Variants in ABCA13 observed in about 807,000 individuals in gnomAD.
The protein encoded by ABCA13 is ATP binding cassette subfamily A member 13.
In ABCA13, 476 loss-of-function variants were observed where a neutral mutation model predicts 478.7. The observed-to-expected ratio is 0.99, with a 90% CI of 0.92 to 1.07. The LOEUF is 1.07. ABCA13 is among the 50% of genes least tolerant of loss of function. The pLI, the probability that ABCA13 is intolerant of heterozygous loss-of-function variation, is 0.00. For synonymous variants in ABCA13, 2,252 were observed against 2,158.9 expected (o/e 1.04, Z -1.20); for missense variants, 6,060 against 5,910.6 (o/e 1.03, Z -0.83).
chr7:48,473,133 C>A (rs1585481002), intron 45 of ABCA13, among the ~76,000 whole-genome samples: 1 of 152,106 alleles, frequency 6.6e-6, no homozygotes, highest in South Asian at 2.1e-4. Context: ...GGGGGAACCA[C>A]CCCCGTGTTC....
intron 18 of ABCA13, among the ~76,000 whole-genome samples, chr7:48,280,658 G>A (rs911393941): frequency 6.6e-6 from 1 of 152,144 alleles, no homozygotes; most frequent in Non-Finnish European, 1.5e-5. Context: ...GGAGATTGGA[G>A]ATGCCATGTC....
intron 19 of ABCA13, among the ~76,000 whole-genome samples, chr7:48,283,974 T>A (rs1310120387): frequency 6.6e-6 from 1 of 152,118 alleles, no homozygotes; most frequent in Admixed American, 6.5e-5. Context: ...GAGGATTAAA[T>A]AAAATGAGTC....
At chr7:48,508,084 C>T in intron 50 of ABCA13, 35 bp downstream of exon 50, 1 of 1,613,128 alleles carries the variant, frequency 6.2e-7, no homozygotes, top group African/African-American at 1.3e-5. Context: ...TGTGCCTCCA[C>T]AATAGTGATC....
chr7:48,534,511 C>G (rs1216468319), intron 55 of ABCA13, among the ~76,000 whole-genome samples: 1 of 152,038 alleles, frequency 6.6e-6, no homozygotes, highest in Non-Finnish European at 1.5e-5. Flanking sequence ...CAATGAATTT[C>G]CCAGGTGTTC....
Position 48,516,771 on chromosome 7 carries a change from A to T in ABCA13, c.13687A>T (p.Ser4563Cys). ...WMYLMSRIFS[S>C]SDVAFISYVS... ...GTACCTGATGTCCAGAATCTTTTCCAGTTCGGACGTGGCTTTCATTTCCTA... is the reference window on the plus strand; with the variant it reads ...GTACCTGATGTCCAGAATCTTTTCCTGTTCGGACGTGGCTTTCATTTCCTA... Residue 4563 changes from serine to cysteine, a missense_variant, in exon 52 of 62, where the codon AGT becomes TGT. Coordinates refer to ENST00000435803, the MANE Select transcript of ABCA13 (RefSeq NM_152701.5). The T allele has an allele frequency of 2.5e-6, 4 of 1,613,808 alleles. No individual in the cohort carries two copies. The highest frequency in any genetic ancestry group is 3.4e-6 in the Non-Finnish European group (4 of 1,179,734).
chr7:48,443,752 G>A (rs976076210), intron 42 of ABCA13, among the ~76,000 whole-genome samples: 4 of 152,126 alleles, frequency 2.6e-5, no homozygotes, highest in South Asian at 2.1e-4. Flanking sequence ...CCCTCTCCTC[G>A]TGCCTCCGGT....
At chr7:48,485,731 C>T (rs1205670458) in intron 47 of ABCA13, among the ~76,000 whole-genome samples, 1 of 152,136 alleles carries the variant, frequency 6.6e-6, no homozygotes, top group Admixed American at 6.5e-5. Flanking sequence ...ATGCATTTCG[C>T]TCATGAGTCT....
chr7:48,393,989 T>A (rs1043279879), intron 38 of ABCA13, among the ~76,000 whole-genome samples: 1 of 152,126 alleles, frequency 6.6e-6, no homozygotes, highest in Non-Finnish European at 1.5e-5. Context: ...GCAAAGCTTA[T>A]CTTGTCCCCA....
intron 55 of ABCA13, among the ~76,000 whole-genome samples, chr7:48,560,177 T>C (rs564724581): frequency 3.9e-5 from 6 of 152,310 alleles, no homozygotes; most frequent in South Asian, 2.1e-4. Context: ...TAAGGCTTGC[T>C]GAAACTCAGG....
rs752603671 is a variant in ABCA13, at chr7:48,350,741, C to G, written c.10303C>G (p.Arg3435Gly). Reference protein sequence around the residue: ...VNLSSCVALNRFQALQSVDIL... With the variant: ...VNLSSCVALNGFQALQSVDIL... ...TCTCTCTTCCTGCGTGGCACTGAAC[C>G]GTTTCCAGGCTCTGCAGTCTGTCGA... The change falls in exon 30 of 62, where the codon CGT becomes GGT. Residue 3435 changes from arginine (R) to glycine (G), a missense_variant. By Grantham distance (125) the Arg-to-Gly change is moderately radical. Around this residue, in one of 3 missense-constraint regions of ABCA13, gnomAD observed 4,423 missense variants for 4,309.1 expected, o/e 1.03. Coordinates refer to ENST00000435803, the MANE Select transcript of ABCA13 (RefSeq NM_152701.5). The G allele has an allele frequency of 6.2e-7, 1 of 1,613,908 alleles. No individual in the cohort carries two copies. The highest frequency in any genetic ancestry group is 8.5e-7 in the Non-Finnish European group (1 of 1,179,838).
chr7:48,555,893 T>C, intron 55 of ABCA13, among the ~76,000 whole-genome samples: 1 of 151,648 alleles, frequency 6.6e-6, no homozygotes, highest in Admixed American at 6.6e-5. Context: ...TTAATATGAT[T>C]ATTAGGTTCT....
intron 58 of ABCA13, among the ~76,000 whole-genome samples, chr7:48,595,971 A>G (rs1790245084): frequency 6.6e-6 from 1 of 152,184 alleles, no homozygotes; most frequent in South Asian, 2.1e-4. Context: ...CAGGAGTGAA[A>G]TATAAAGCTA....
intron 56 of ABCA13, among the ~76,000 whole-genome samples, chr7:48,582,497 C>T (rs1788801244): frequency 6.6e-6 from 1 of 152,176 alleles, no homozygotes; most frequent in Non-Finnish European, 1.5e-5. Context: ...TCTTTAGACA[C>T]ATCTGCTGCT....
intron 26 of ABCA13, among the ~76,000 whole-genome samples, chr7:48,316,501 A>G (rs1802603376): frequency 3.3e-5 from 5 of 152,250 alleles, no homozygotes; most frequent in Admixed American, 2.0e-4. Flanking sequence ...ACTTAAGTGA[A>G]CATAGCATGA....
intron 58 of ABCA13, among the ~76,000 whole-genome samples, chr7:48,599,128 CTTCT>C (rs1790603948): frequency 1.3e-5 from 2 of 151,454 alleles, no homozygotes; most frequent in Admixed American, 6.6e-5. Flanking sequence ...CAGCTTTTTC[CTTCT>C]ATTATAAAAT....
chr7:48,340,468 A>G (rs1187001386), intron 29 of ABCA13, among the ~76,000 whole-genome samples: 1 of 152,244 alleles, frequency 6.6e-6, no homozygotes, highest in African/African-American at 2.4e-5. Context: ...TGTCTGTTGT[A>G]GAAACATTAG....
At chr7:48,591,015 G>C (rs932524478) in intron 57 of ABCA13, among the ~76,000 whole-genome samples, 1 of 151,038 alleles carries the variant, frequency 6.6e-6, no homozygotes, top group Admixed American at 6.6e-5. Context: ...ATGTGCTTTT[G>C]GTGTCATATC....
rs928773404 is a variant in ABCA13 at position 48,321,090 on chromosome 7, T to C, written c.9999+3794T>C. Among the ~76,000 whole-genome samples, 73 of 152,132 alleles carry C rather than the reference T, an allele frequency of 4.8e-4. 1 individual carries two copies. The highest frequency in any genetic ancestry group is 1.6e-3 in the African/African-American group (68 of 41,504). On this transcript the variant is annotated intron_variant, in intron 27 of 61. Coordinates refer to ENST00000435803, the MANE Select transcript of ABCA13 (RefSeq NM_152701.5). ...GGAAAGAGATGGTGGAGGCCAGTGG[T>C]TCAAACCGGGGTGGGGTTGGAGAAA...
chr7:48,218,493 G>C (rs1403814093), intron 3 of ABCA13, among the ~76,000 whole-genome samples: 2 of 152,132 alleles, frequency 1.3e-5, no homozygotes, highest in Non-Finnish European at 2.9e-5. Context: ...GATGAGCCTG[G>C]GCGATATAGC....
Sources: gnomAD v4.1 joint callset for allele counts (sites outside exome capture counted in the v4.1 genomes callset) on GRCh38, gnomAD v4.1.1 for gene constraint, gnomAD v4.1.1 regional missense constraint, MANE v1.5 for transcripts, NCBI Gene and HGNC (gene_info 2026-07-23, HGNC 2026-07-21) for gene names.